Variants in RGS7 observed in about 807,000 individuals in gnomAD.
The protein encoded by RGS7 is regulator of G protein signaling 7.
A neutral mutation model predicts 81.1 loss-of-function variants in RGS7; 27 were observed. That is an observed-to-expected ratio of 0.33 (90% CI 0.25 to 0.46). The LOEUF (loss-of-function observed/expected upper bound fraction) is 0.46. RGS7 is among the 20% of genes least tolerant of loss of function. The pLI, the probability that RGS7 is intolerant of heterozygous loss-of-function variation, is 1.00. For missense variants in RGS7, 396 were observed against 607.4 expected (o/e 0.65, Z 3.66); for synonymous variants, 208 against 207.7 (o/e 1.00, Z -0.01).
rs140066802 is a variant in RGS7 at position 241,061,708 on chromosome 1, C to A, written c.175+36958G>T. Among the ~76,000 whole-genome samples the A allele has an allele frequency of 2.5e-3, 378 of 152,232 alleles. 2 individuals are homozygous for A. Among genetic ancestry groups the A allele is most frequent in the Middle Eastern group, 6.8e-3 (2 of 294 alleles). On this transcript the variant is annotated intron_variant, in intron 3 of 18. Coordinates refer to ENST00000440928, the MANE Select transcript of RGS7 (RefSeq NM_001364886.1). ...GATGCCTGAGCTAAGTCTAAAGGGGCAAATTAACCAGGTGAAGGTTTGGGA... is the reference window on the plus strand; with the variant it reads ...GATGCCTGAGCTAAGTCTAAAGGGGAAAATTAACCAGGTGAAGGTTTGGGA...
chr1:240,796,746 A>C (rs560359958), intron 18 of RGS7, among the ~76,000 whole-genome samples: 1 of 152,260 alleles, frequency 6.6e-6, no homozygotes, highest in South Asian at 2.1e-4. Flanking sequence ...TTTCAGGGCC[A>C]ACCCACTCCT....
intron 3 of RGS7, among the ~76,000 whole-genome samples, chr1:241,089,057 C>CTATA (rs1420221451): frequency 6.2e-5 from 3 of 48,600 alleles, no homozygotes; most frequent in African/African-American, 1.1e-4. Flanking sequence ...CTCTCTCTCT[C>CTATA]TCTCTCTATA....
intron 6 of RGS7, among the ~76,000 whole-genome samples, chr1:240,883,683 GC>G (rs1666822831): frequency 6.6e-6 from 1 of 152,180 alleles, no homozygotes; most frequent in African/African-American, 2.4e-5. Context: ...ACAATGCTCG[GC>G]CTCCTGTTCC....
chr1:240,992,884 G>A (rs866223230), intron 3 of RGS7, among the ~76,000 whole-genome samples: 111 of 151,088 alleles, frequency 7.3e-4, no homozygotes, highest in African/African-American at 2.6e-3. Context: ...GCATGGTGGC[G>A]TGCACCTGTA....
At chr1:240,942,878 C>T (rs556482644) in intron 4 of RGS7, among the ~76,000 whole-genome samples, 26 of 152,098 alleles carry the variant, frequency 1.7e-4, no homozygotes, top group African/African-American at 4.6e-4. Context: ...ATCTCATATG[C>T]GGAACATTTT....
chr1:241,261,628 C>CAAA (rs35082766), intron 2 of RGS7, among the ~76,000 whole-genome samples: 37 of 61,758 alleles, frequency 6.0e-4, no homozygotes, highest in African/African-American at 2.4e-3. Context: ...GACTCTGTCT[C>CAAA]AAAAAAAAAA....
At chr1:240,913,456 G>A (rs1045194271) in intron 6 of RGS7, among the ~76,000 whole-genome samples, 1 of 152,164 alleles carries the variant, frequency 6.6e-6, no homozygotes, top group Non-Finnish European at 1.5e-5. Context: ...TTCGAAAGGA[G>A]TAGAATACTT....
rs1237496412 is a variant in RGS7 at position 241,087,960 on chromosome 1, C to A, written c.175+10706G>T. On this transcript the variant is annotated intron_variant, in intron 3 of 18. Transcript: ENST00000440928. ...CAAGACTCCATCTCTCTCTCTCTCTCTCTCTCTCTCTCTCTCTATATATAT... is the reference window on the plus strand; with the variant it reads ...CAAGACTCCATCTCTCTCTCTCTCTATCTCTCTCTCTCTCTCTATATATAT... 1.9e-3 allele frequency among the ~76,000 whole-genome samples: 164 copies of A among 84,420 alleles called. 1 individual carries two copies. The highest frequency in any genetic ancestry group is 6.9e-3 in the African/African-American group (157 of 22,850). The allele number at this position is 84,420 out of a possible 152,430, so 55.4% of individuals were successfully genotyped here. A position where few individuals can be genotyped will look rare whatever the true frequency, so the allele number is the denominator to read the frequency against.
chr1:240,802,152 C>A (rs191656745), intron 16 of RGS7, among the ~76,000 whole-genome samples: 15 of 152,242 alleles, frequency 9.9e-5, no homozygotes, highest in African/African-American at 3.6e-4. Flanking sequence ...GCCTACATGA[C>A]GATCATGAAC....
intron 2 of RGS7, among the ~76,000 whole-genome samples, chr1:241,199,646 T>A: frequency 6.8e-6 from 1 of 147,480 alleles, no homozygotes; most frequent in African/African-American, 2.5e-5. Context: ...ATGACAGAAG[T>A]CTAGTCCTCT....
chr1:241,023,725 A>G (rs1455114318), intron 3 of RGS7, among the ~76,000 whole-genome samples: 1 of 152,098 alleles, frequency 6.6e-6, no homozygotes, highest in African/African-American at 2.4e-5. Context: ...TGTTTTTACA[A>G]TGCTTTTCAT....
intron 6 of RGS7, among the ~76,000 whole-genome samples, chr1:240,879,231 G>A (rs552877223): frequency 6.6e-5 from 10 of 152,246 alleles, no homozygotes; most frequent in East Asian, 5.8e-4. Flanking sequence ...AAATGTCTAC[G>A]AATCGATTGT....
At chr1:241,249,187 T>G (rs2076710074) in intron 2 of RGS7, among the ~76,000 whole-genome samples, 1 of 152,176 alleles carries the variant, frequency 6.6e-6, no homozygotes, top group South Asian at 2.1e-4. Context: ...GCAGGAAAAC[T>G]TTGTGAAACC....
chr1:241,039,846 G>A (rs150145085), intron 3 of RGS7, among the ~76,000 whole-genome samples: 47 of 152,240 alleles, frequency 3.1e-4, no homozygotes, highest in African/African-American at 1.1e-3. Context: ...TTGGAGAACC[G>A]ACTTGCTGTT....
At position 241,103,351 on chromosome 1, in the gene RGS7, G is replaced by A. The variant is rs540436769; in HGVS notation, c.79-4589C>T. Among the ~76,000 whole-genome samples the A allele has an allele frequency of 1.5e-4, 23 of 152,282 alleles. No individual in the cohort carries two copies. The South Asian group carries it at 1.9e-3, about 12-fold the overall frequency. On this transcript the variant is annotated intron_variant, in intron 2 of 18. Coordinates refer to ENST00000440928, the MANE Select transcript of RGS7 (RefSeq NM_001364886.1). Reference sequence around the variant, plus strand: ...GGCATGGGAGAAGAGAACACTAGACGATGGGCATGGGCAGGAGAGCTGGCA... The same window carrying A: ...GGCATGGGAGAAGAGAACACTAGACAATGGGCATGGGCAGGAGAGCTGGCA...
intron 4 of RGS7, among the ~76,000 whole-genome samples, chr1:240,949,021 T>C (rs1679115526): frequency 6.6e-6 from 1 of 152,088 alleles, no homozygotes; most frequent in Admixed American, 6.5e-5. Context: ...TTAGCTAAAA[T>C]GCACAGTCTT....
chr1:241,235,335 C>T (rs1915887), intron 2 of RGS7, among the ~76,000 whole-genome samples: 44,100 of 151,960 alleles, frequency 0.29, 6,578 homozygotes, highest in African/African-American at 0.37. Flanking sequence ...AGTTAGAGTG[C>T]CTTTGGTTGT....
intron 3 of RGS7, among the ~76,000 whole-genome samples, chr1:241,032,969 A>ATT (rs60787156): frequency 2.0e-5 from 3 of 151,658 alleles, no homozygotes; most frequent in Non-Finnish European, 4.4e-5. Flanking sequence ...GATGCGTTTT[A>ATT]TTTTTTTTCT....
chr1:241,027,128 A>G (rs2059829840), intron 3 of RGS7, among the ~76,000 whole-genome samples: 4 of 151,796 alleles, frequency 2.6e-5, no homozygotes. Flanking sequence ...ACTTGAGCCC[A>G]GAAGTTCCAG....
Sources: allele counts gnomAD v4.1 joint callset (sites outside exome capture counted in the v4.1 genomes callset), GRCh38; gene constraint gnomAD v4.1.1; transcripts MANE v1.5; gene names NCBI Gene and HGNC (gene_info 2026-07-23, HGNC 2026-07-21).